KCNMA1: variants seen among roughly 807,000 people sequenced by gnomAD.
KCNMA1 encodes potassium calcium-activated channel subfamily M alpha 1, also known as Calcium-activated potassium channel subunit alpha-1.
A neutral mutation model predicts 140.0 loss-of-function variants in KCNMA1; 29 were observed. The ratio of observed to expected loss-of-function variants is 0.21; its 90% CI spans 0.15 to 0.28. The LOEUF is 0.28. Among genes scored for constraint, KCNMA1 ranks in the 10% least tolerant of loss-of-function variants. The probability of loss-of-function intolerance (pLI) is 1.00; values close to 1 mark genes in which losing one functional copy is unlikely to be tolerated. For synonymous variants in KCNMA1, 612 were observed against 611.9 expected, an observed-to-expected ratio of 1.00 and a Z score of 0.00; for missense variants, 880 against 1,602.2, an observed-to-expected ratio of 0.55 and a Z score of 7.70.
chr10:77,533,269 G>T (rs1463865200), intron 1 of KCNMA1, among the ~76,000 whole-genome samples: 1 of 152,064 alleles, frequency 6.6e-6, no homozygotes, highest in Non-Finnish European at 1.5e-5. Flanking sequence ...CACAACCAGA[G>T]CCCCAAGGAG....
At chr10:77,480,371 A>T (rs1195124854) in intron 1 of KCNMA1, among the ~76,000 whole-genome samples, 1 of 152,204 alleles carries the variant, frequency 6.6e-6, no homozygotes, top group African/African-American at 2.4e-5. Context: ...GGCAAATCCC[A>T]GTCATAAAAC....
intron 1 of KCNMA1, among the ~76,000 whole-genome samples, chr10:77,453,205 C>T (rs1162822315): frequency 6.6e-6 from 1 of 152,040 alleles, no homozygotes; most frequent in Non-Finnish European, 1.5e-5. Flanking sequence ...TCTCTAAGGG[C>T]TCCTAAGCAC....
intron 2 of KCNMA1, among the ~76,000 whole-genome samples, chr10:77,271,424 AAAG>A: frequency 6.6e-6 from 1 of 152,308 alleles, no homozygotes; most frequent in Non-Finnish European, 1.5e-5. Flanking sequence ...GTCTCACAAA[AAAG>A]AAGCACAAGA....
chr10:77,338,393 G>A (rs2089911331), intron 2 of KCNMA1, among the ~76,000 whole-genome samples: 1 of 152,186 alleles, frequency 6.6e-6, no homozygotes, highest in Admixed American at 6.5e-5. Context: ...AAACATGCCA[G>A]GGTGGGGCTT....
intron 1 of KCNMA1, among the ~76,000 whole-genome samples, chr10:77,447,272 C>G (rs1047283754): frequency 6.6e-6 from 1 of 152,198 alleles, no homozygotes; most frequent in Non-Finnish European, 1.5e-5. Flanking sequence ...TTTGTGGAAG[C>G]TGCATCAGCT....
chr10:77,084,820 A>AT (rs2153752863), intron 11 of KCNMA1, 101 bp from the exon 12 acceptor site: 3 of 809,452 alleles, frequency 3.7e-6, no homozygotes, highest in Non-Finnish European at 6.2e-6. Context: ...AGCTTTGCAA[A>AT]GAAAAAAAAA....
intron 3 of KCNMA1, among the ~76,000 whole-genome samples, chr10:77,204,725 A>G (rs1321888862): frequency 2.0e-5 from 3 of 152,184 alleles, no homozygotes; most frequent in Admixed American, 6.5e-5. Flanking sequence ...CTGTGATAAG[A>G]TGATAGTTCC....
At chr10:77,028,032 G>T (rs930470935) in intron 15 of KCNMA1, 141 bp from the exon 16 acceptor site, 7 of 773,596 alleles carry the variant, frequency 9.0e-6, no homozygotes, top group African/African-American at 1.7e-5. Flanking sequence ...GCCAAAGGGA[G>T]GGGGTGGAAG....
At chr10:77,382,108 G>A (rs537970908) in intron 2 of KCNMA1, among the ~76,000 whole-genome samples, 1 of 152,274 alleles carries the variant, frequency 6.6e-6, no homozygotes, top group East Asian at 1.9e-4. Flanking sequence ...GCATCCATCA[G>A]GCACTCATCA....
chr10:76,893,802 C>A (rs1188880813), intron 25 of KCNMA1, among the ~76,000 whole-genome samples: 4 of 152,050 alleles, frequency 2.6e-5, no homozygotes, highest in Non-Finnish European at 5.9e-5. Context: ...GACTGGTATA[C>A]TGCAAACTAC....
chr10:77,076,541 T>A (rs190323649), intron 13 of KCNMA1, among the ~76,000 whole-genome samples: 31 of 152,142 alleles, frequency 2.0e-4, no homozygotes, highest in African/African-American at 7.5e-4. Context: ...ATTTAAAGAG[T>A]CGGTGGCAGT....
At position 77,621,241 on chromosome 10, in the gene KCNMA1, G is replaced by A. The variant is rs545605415; in HGVS notation, c.378+16024C>T. On this transcript the variant is annotated intron_variant, in intron 1 of 27. Transcript: ENST00000286628. ...AGTTAACCACTACCTTCTTCTGAGT[G>A]TGCAGATTAAATTCTCTGTCGCACC... Among the ~76,000 whole-genome samples the A allele has an allele frequency of 1.2e-4, 18 of 152,318 alleles. No homozygotes were observed. In the South Asian group the frequency reaches 3.3e-3, roughly 28 times the overall value.
At chr10:76,956,375 G>C (rs1009260240) in intron 20 of KCNMA1, among the ~76,000 whole-genome samples, 9 of 152,110 alleles carry the variant, frequency 5.9e-5, no homozygotes, top group African/African-American at 2.2e-4. Context: ...AGTCTTAGAG[G>C]TATGCCACAC....
At chr10:77,153,925 T>C (rs1169045149) in intron 5 of KCNMA1, among the ~76,000 whole-genome samples, 1 of 152,100 alleles carries the variant, frequency 6.6e-6, no homozygotes, top group Non-Finnish European at 1.5e-5. Flanking sequence ...CCAACGTCAT[T>C]TGTAAAATGA....
intron 1 of KCNMA1, among the ~76,000 whole-genome samples, chr10:77,585,106 C>T (rs1013596820): frequency 2.6e-5 from 4 of 152,212 alleles, no homozygotes; most frequent in Non-Finnish European, 5.9e-5. Context: ...ATACTGAACT[C>T]TGACCACATG....
intron 1 of KCNMA1, among the ~76,000 whole-genome samples, chr10:77,519,082 C>T (rs1460688259): frequency 1.3e-5 from 2 of 152,236 alleles, no homozygotes; most frequent in Non-Finnish European, 2.9e-5. Flanking sequence ...TCACTTGTCC[C>T]AGGCCTTTAT....
At chr10:77,595,654 C>T (rs188631246) in intron 1 of KCNMA1, among the ~76,000 whole-genome samples, 30 of 152,078 alleles carry the variant, frequency 2.0e-4, no homozygotes, top group African/African-American at 7.2e-4. Flanking sequence ...ACTAGCCAGA[C>T]AGGCTAGTTT....
At chr10:77,376,764 C>T (rs888905498) in intron 2 of KCNMA1, among the ~76,000 whole-genome samples, 12 of 151,860 alleles carry the variant, frequency 7.9e-5, no homozygotes, top group Non-Finnish European at 1.3e-4. Context: ...ATGGTGAAAC[C>T]CCATCTCTAC....
rs2070417631 is a variant in KCNMA1, at chr10:77,570,202, A to G, written c.378+67063T>C. Among the ~76,000 whole-genome samples, 9 of 150,848 alleles carry G rather than the reference A, an allele frequency of 6.0e-5. No homozygotes were observed. The South Asian group carries it at 1.5e-3, about 25-fold the overall frequency. On this transcript the variant is annotated intron_variant, in intron 1 of 27. Coordinates refer to ENST00000286628, the MANE Select transcript of KCNMA1 (RefSeq NM_001161352.2). ...GGCGATTCCTCAGGGATCTAGAACT[A>G]GAAATACCATTTGACCCAGCCATCC...
Sources: allele counts gnomAD v4.1 joint callset (sites outside exome capture counted in the v4.1 genomes callset), GRCh38; gene constraint gnomAD v4.1.1; transcripts MANE v1.5; gene names NCBI Gene and HGNC (gene_info 2026-07-23, HGNC 2026-07-21).